ADAP1: variants seen among roughly 807,000 people sequenced by gnomAD.
The protein encoded by ADAP1 is arf-GAP with dual PH domain-containing protein 1.
Under a neutral mutation model 54.9 loss-of-function variants are expected in ADAP1, and 31 were observed. That is an observed-to-expected ratio of 0.56 (90% CI 0.42 to 0.76). The LOEUF is 0.76. Ranked by LOEUF, ADAP1 falls within the 30% of genes least tolerant of loss-of-function variation. The pLI is 0.00. For synonymous variants in ADAP1, 313 were observed against 202.6 expected (o/e 1.55, Z -4.63); for missense variants, 535 against 512.4 (o/e 1.04, Z -0.42).
chr7:955,233 G>A, upstream of ADAP1: 1 of 1,485,474 alleles, frequency 6.7e-7, no homozygotes, highest in Non-Finnish European at 9.2e-7. Flanking sequence ...AGGCTGAGGG[G>A]CCCCGCCGGG....
At chr7:905,420 AGAAAGGAGAAAGGAGAAAGGGAGAAAGG>A (rs1845124065) in intron 4 of ADAP1, 2 of 89,008 alleles carry the variant, frequency 2.2e-5, no homozygotes, top group South Asian at 1.3e-4. Flanking sequence ...AGGGAGAAAG[AGAAAGGAGAAAGGAGAAAGGGAGAAAGG>A]GAGAAAGGGA....
chr7:936,994 G>A (rs1846780502), intron 1 of ADAP1, among the ~76,000 whole-genome samples: 1 of 152,208 alleles, frequency 6.6e-6, no homozygotes, highest in South Asian at 2.1e-4. Flanking sequence ...CAGGAGGAGA[G>A]GCACCCAAGT....
chr7:954,386 C>G lies in ADAP1; in HGVS notation c.82+10G>C. Reference sequence around the variant, plus strand: ...CCACCCGGCCCCGCGCCCACCCGGCCCACACCTACCCGGGGCGCCGCAGTC... The same window carrying G: ...CCACCCGGCCCCGCGCCCACCCGGCGCACACCTACCCGGGGCGCCGCAGTC... On this transcript the variant is annotated intron_variant, in intron 1 of 10. Coordinates refer to ENST00000265846, the MANE Select transcript of ADAP1 (RefSeq NM_006869.4). 9.0e-7 allele frequency: 1 copy of G among 1,110,782 alleles called. No homozygotes were observed. The highest frequency in any genetic ancestry group is 1.1e-6 in the Non-Finnish European group (1 of 904,006). The allele number at this position is 1,110,782 out of a possible 1,614,324, so 68.8% of individuals were successfully genotyped here.
intron 1 of ADAP1, among the ~76,000 whole-genome samples, chr7:942,023 G>A (rs995425928): frequency 1.3e-5 from 2 of 152,198 alleles, no homozygotes; most frequent in Non-Finnish European, 2.9e-5. Context: ...TATCGGCAAA[G>A]ATATAAAGCC....
At position 917,665 on chromosome 7, in the gene ADAP1, C is replaced by T. The variant is rs142193751; in HGVS notation, c.388+2303G>A. Among the ~76,000 whole-genome samples, 331 of 152,284 alleles carry T rather than the reference C, an allele frequency of 2.2e-3. 1 individual carries two copies. The highest frequency in any genetic ancestry group is 7.6e-3 in the African/African-American group (316 of 41,554). ...TTTTTTACTAGAAACAGTTTTGCCA[C>T]GTTGACCAGATTGGTCTCGAACTCG... is the stretch of plus-strand genomic sequence containing the variant. On this transcript the variant is annotated intron_variant, in intron 4 of 10. Coordinates refer to ENST00000265846, the MANE Select transcript of ADAP1 (RefSeq NM_006869.4).
intron 3 of ADAP1, among the ~76,000 whole-genome samples, chr7:925,583 G>T (rs948885081): frequency 2.0e-5 from 3 of 152,186 alleles, no homozygotes; most frequent in Non-Finnish European, 2.9e-5. Flanking sequence ...CCCAAACAGG[G>T]CCCCGGATGC....
intron 4 of ADAP1, among the ~76,000 whole-genome samples, chr7:906,224 A>AAG (rs1562913862): frequency 9.9e-5 from 1 of 10,086 alleles, no homozygotes; most frequent in African/African-American, 8.4e-4. Flanking sequence ...AGAAAGGGAA[A>AAG]GGAGAAAGGG....
Position 905,898 on chromosome 7 carries a change from GA to G in ADAP1, c.389-727del, listed in dbSNP as rs1206096588. On this transcript the variant is annotated intron_variant, in intron 4 of 10. Coordinates refer to ENST00000265846, the MANE Select transcript of ADAP1 (RefSeq NM_006869.4). ...GGGAGAAAGGAGAAAGGAGAAAGGA[GA>G]AAGGAGAAAGGGAAAGGAGAAAGGG... Among the ~76,000 whole-genome samples the G allele has an allele frequency of 3.0e-4, 4 of 13,296 alleles. 1 individual carries two copies. Among genetic ancestry groups the G allele is most frequent in the Non-Finnish European group, 5.0e-4 (3 of 5,950 alleles). The allele number at this position is 13,296 out of a possible 152,430, so 8.7% of individuals were successfully genotyped here. A position where few individuals can be genotyped will look rare whatever the true frequency, so the allele number is the denominator to read the frequency against.
intron 1 of ADAP1, among the ~76,000 whole-genome samples, chr7:940,710 G>A (rs1038667782): frequency 6.6e-6 from 1 of 152,012 alleles, no homozygotes; most frequent in Non-Finnish European, 1.5e-5. Flanking sequence ...TTACCCAAGG[G>A]AAATCAAAAT....
At chr7:910,131 T>G (rs1302796505) in intron 4 of ADAP1, among the ~76,000 whole-genome samples, 1 of 152,150 alleles carries the variant, frequency 6.6e-6, no homozygotes, top group Non-Finnish European at 1.5e-5. Flanking sequence ...CGTGGGGATG[T>G]AAGGTGCCCC....
intron 1 of ADAP1, among the ~76,000 whole-genome samples, chr7:948,930 C>T (rs1847204629): frequency 2.0e-5 from 3 of 152,142 alleles, no homozygotes; most frequent in African/African-American, 7.2e-5. Context: ...CTCCTGACCT[C>T]GTGATCCTCC....
intron 2 of ADAP1, among the ~76,000 whole-genome samples, chr7:927,954 A>G (rs1283995558): frequency 6.6e-6 from 1 of 151,920 alleles, no homozygotes. Flanking sequence ...AGGGGCTCAC[A>G]TCTGTAGTCC....
chr7:929,504 C>T (rs1409517503), intron 2 of ADAP1, among the ~76,000 whole-genome samples: 4 of 139,424 alleles, frequency 2.9e-5, no homozygotes, highest in African/African-American at 1.1e-4. Context: ...AACATAGTGA[C>T]ACCCTGTCTC....
At chr7:930,406 G>C (rs376981318) in intron 2 of ADAP1, among the ~76,000 whole-genome samples, 1 of 22,216 alleles carries the variant, frequency 4.5e-5, no homozygotes, top group East Asian at 3.0e-3. Flanking sequence ...GGCCGGGCGC[G>C]GTGGCTCACA....
intron 4 of ADAP1, among the ~76,000 whole-genome samples, chr7:907,841 A>G (rs888448161): frequency 5.3e-5 from 8 of 151,910 alleles, no homozygotes; most frequent in African/African-American, 1.9e-4. Flanking sequence ...TCCTGGGATC[A>G]CGGGGCCGTC....
At chr7:935,558 G>C in intron 1 of ADAP1, 53 bp from the exon 2 acceptor site, 2 of 1,544,910 alleles carry the variant, frequency 1.3e-6, no homozygotes, top group South Asian at 2.4e-5. Flanking sequence ...ACCCCGGAGG[G>C]AGGGTGGACG....
At position 926,450 on chromosome 7, in the gene ADAP1, C is replaced by T. The variant is rs1299065233; in HGVS notation, c.305+103G>A. ...AGCTGCGGCTGGCTTCTCCCCGACCCTGTGGGCGGCACCCAACTCCCCACC... is the reference window on the plus strand; with the variant it reads ...AGCTGCGGCTGGCTTCTCCCCGACCTTGTGGGCGGCACCCAACTCCCCACC... On this transcript the variant is annotated intron_variant, in intron 3 of 10. Transcript: ENST00000265846. This position sits in a 1 kb window ranked among gnomAD's most constrained non-coding sequence, Gnocchi z 4.6. 8.2e-6 allele frequency: 8 copies of T among 978,070 alleles called. No homozygotes were observed. Among genetic ancestry groups the T allele is most frequent in the Non-Finnish European group, 1.1e-5 (8 of 696,576 alleles). The allele number at this position is 978,070 out of a possible 1,614,324, so 60.6% of individuals were successfully genotyped here.
chr7:926,361 C>CGCCCCCCA lies in ADAP1; in HGVS notation c.305+191_305+192insTGGGGGGC, dbSNP rs1846389136. ...CCCAGCCCCACCCCAGCGCCCCCCG[C>CGCCCCCCA]CCCAGAACCAAAGCCCGGTGGTGGC... is the stretch of plus-strand genomic sequence containing the variant. On this transcript the variant is annotated intron_variant, in intron 3 of 10. Coordinates refer to ENST00000265846, the MANE Select transcript of ADAP1 (RefSeq NM_006869.4). The surrounding 1 kb of genome is among the most constrained non-coding windows in gnomAD (Gnocchi z 4.6). Among the ~76,000 whole-genome samples, 1 of 151,980 alleles carries CGCCCCCCA rather than the reference C, an allele frequency of 6.6e-6. No individual in the cohort carries two copies. The highest frequency in any genetic ancestry group is 1.5e-5 in the Non-Finnish European group (1 of 67,954).
intron 1 of ADAP1, among the ~76,000 whole-genome samples, chr7:951,801 A>C (rs1847278352): frequency 6.6e-6 from 1 of 152,184 alleles, no homozygotes; most frequent in Admixed American, 6.5e-5. Flanking sequence ...AGACTCAAAG[A>C]GGACAATATG....
Sources: gnomAD v4.1 joint callset for allele counts (sites outside exome capture counted in the v4.1 genomes callset) on GRCh38, gnomAD v4.1.1 for gene constraint, Gnocchi (gnomAD v3.1) non-coding constraint, MANE v1.5 for transcripts, NCBI Gene and HGNC (gene_info 2026-07-23, HGNC 2026-07-21) for gene names.